Variants in ERGIC2 observed in about 807,000 individuals in gnomAD.
The protein encoded by ERGIC2 is ERGIC and golgi 2, also known as endoplasmic reticulum-Golgi intermediate compartment protein 2.
Under a neutral mutation model 52.5 loss-of-function variants are expected in ERGIC2, and 31 were observed. The observed-to-expected ratio is 0.59, with a 90% CI of 0.44 to 0.80. The LOEUF is 0.80. Among genes scored for constraint, ERGIC2 ranks in the 30% least tolerant of loss-of-function variants. The pLI, the probability that ERGIC2 is intolerant of heterozygous loss-of-function variation, is 0.00. For missense variants in ERGIC2, 395 were observed against 455.2 expected, an observed-to-expected ratio of 0.87 and a Z score of 1.20; for synonymous variants, 129 against 140.6, an observed-to-expected ratio of 0.92 and a Z score of 0.58.
chr12:29,376,936 C>T (rs902448688), intron 1 of ERGIC2, among the ~76,000 whole-genome samples: 4 of 152,022 alleles, frequency 2.6e-5, no homozygotes, highest in South Asian at 2.1e-4. Context: ...TTTGTCAAAA[C>T]AGCCTTTCCT....
intron 4 of ERGIC2, 72 bp from the exon 5 acceptor site, chr12:29,367,019 T>G: frequency 3.1e-6 from 2 of 652,344 alleles, no homozygotes; most frequent in Non-Finnish European, 4.5e-6. Context: ...ATAAACAAAT[T>G]AAGCCAACTA....
chr12:29,376,405 C>T (rs1940515372), intron 1 of ERGIC2, among the ~76,000 whole-genome samples: 1 of 152,092 alleles, frequency 6.6e-6, no homozygotes, highest in Non-Finnish European at 1.5e-5. Flanking sequence ...ATGCTTCTCC[C>T]CCACTCCATT....
chr12:29,365,251 T>A (rs1184233113), intron 5 of ERGIC2, among the ~76,000 whole-genome samples: 1 of 152,252 alleles, frequency 6.6e-6, no homozygotes, highest in South Asian at 2.1e-4. Flanking sequence ...GTGGTATACA[T>A]GCACCAGGGA....
At position 29,371,536 on chromosome 12, in the gene ERGIC2, C is replaced by T; in HGVS notation, c.98G>A (p.Gly33Glu). Residue 33 changes from glycine to glutamate, a missense_variant, in exon 2 of 14, where the codon GGA (glycine) becomes GAA (glutamate). By Grantham distance (98) the Gly-to-Glu change is moderately conservative (BLOSUM62 -2). Coordinates refer to ENST00000360150, the MANE Select transcript of ERGIC2 (RefSeq NM_016570.3). The part of the protein sequence containing the change: ...PESYVETSAS[G>E]GTVSLIAFTT... Reference sequence around the variant, plus strand: ...TGTTAACTGATACTCACCTGTACCTCCACTGGCTGAAGTCTCTACATAGCT... The same window carrying T: ...TGTTAACTGATACTCACCTGTACCTTCACTGGCTGAAGTCTCTACATAGCT... 6.2e-7 allele frequency: 1 copy of T among 1,605,614 alleles called. No homozygotes were observed. The highest frequency in any genetic ancestry group is 8.5e-7 in the Non-Finnish European group (1 of 1,175,422).
Position 29,341,184 on chromosome 12 carries a change from A to G in ERGIC2, c.1106T>C (p.Leu369Ser), listed in dbSNP as rs766083095. The G allele has an allele frequency of 1.2e-6, 2 of 1,610,308 alleles. No homozygotes were observed. Among genetic ancestry groups the G allele is most frequent in the Admixed American group, 3.3e-5 (2 of 59,798 alleles). The change falls in exon 14 of 14, where the codon TTA becomes TCA. Residue 369 changes from leucine to serine, a missense_variant. Transcript: ENST00000360150. ...ATGTGTATTATTTTCTAAAAGAGGT[A>G]AGTGGTTGTCTGTGTGGCCATCCTC... ...PFEDGHTDNH[L>S]PLLENNTH is the part of the protein sequence containing the mutation.
intron 11 of ERGIC2, 133 bp downstream of exon 11, chr12:29,345,309 AT>A: frequency 1.6e-6 from 1 of 630,716 alleles, no homozygotes; most frequent in Non-Finnish European, 2.8e-6. Context: ...ATGTTAATTC[AT>A]TTCAAAACTT....
intron 1 of ERGIC2, among the ~76,000 whole-genome samples, chr12:29,379,023 AG>A (rs1289982687): frequency 2.0e-5 from 3 of 152,196 alleles, no homozygotes; most frequent in Admixed American, 6.5e-5. Context: ...AGAGTATGTG[AG>A]GTTAGTTGAC....
chr12:29,342,402 G>A (rs1949846180), intron 12 of ERGIC2, among the ~76,000 whole-genome samples: 1 of 152,176 alleles, frequency 6.6e-6, no homozygotes. Flanking sequence ...AGATTGAAAT[G>A]AAGCACTAAC....
intron 1 of ERGIC2, among the ~76,000 whole-genome samples, chr12:29,377,991 G>A (rs976991204): frequency 3.3e-5 from 5 of 152,162 alleles, no homozygotes; most frequent in African/African-American, 1.2e-4. Flanking sequence ...GTTGCAGTCT[G>A]AACTGTGTCA....
At chr12:29,357,391 G>T (rs1265108781) in intron 7 of ERGIC2, among the ~76,000 whole-genome samples, 1 of 151,914 alleles carries the variant, frequency 6.6e-6, no homozygotes, top group Non-Finnish European at 1.5e-5. Context: ...TTTTATGTGG[G>T]GGTATACCAC....
intron 10 of ERGIC2, among the ~76,000 whole-genome samples, chr12:29,348,657 T>C (rs574419918): frequency 7.2e-4 from 110 of 151,962 alleles, no homozygotes; most frequent in Non-Finnish European, 1.2e-3. Context: ...TCCAGAGAGG[T>C]TTCTGAAATG....
chr12:29,343,462 T>C (rs1390827600), intron 11 of ERGIC2, among the ~76,000 whole-genome samples, 180 bp from the exon 12 acceptor site: 1 of 152,238 alleles, frequency 6.6e-6, no homozygotes, highest in Non-Finnish European at 1.5e-5. Context: ...AATTATTTTG[T>C]ATTCTTTGTG....
Position 29,343,278 on chromosome 12 carries a change from C to A in ERGIC2, c.830G>T (p.Arg277Leu). Reference protein sequence around the residue: ...THQFSVTERERIINHAAGSHG... With the variant: ...THQFSVTERELIINHAAGSHG... ...GCTGCCTGCAGCATGGTTAATGATACGTTCCTAAAAGGGAGGCAAAAGGAA... is the reference window on the plus strand; with the variant it reads ...GCTGCCTGCAGCATGGTTAATGATAAGTTCCTAAAAGGGAGGCAAAAGGAA... The change falls in exon 12 of 14, where the codon CGT (arginine) becomes CTT (leucine). Residue 277 changes from arginine to leucine, a missense_variant. By Grantham distance (102) the Arg-to-Leu change is moderately radical. Transcript: ENST00000360150. 1.3e-6 allele frequency: 2 copies of A among 1,576,658 alleles called. No individual in the cohort carries two copies. Among genetic ancestry groups the A allele is most frequent in the Admixed American group, 1.8e-5 (1 of 55,076 alleles).
intron 1 of ERGIC2, among the ~76,000 whole-genome samples, chr12:29,376,422 C>A (rs1940515671): frequency 6.6e-6 from 1 of 152,134 alleles, no homozygotes; most frequent in Admixed American, 6.6e-5. Flanking sequence ...CATTATCATC[C>A]TTTGGAATTC....
Position 29,341,148 on chromosome 12 carries a change from G to A in ERGIC2, c.*8C>T, listed in dbSNP as rs529996666. The A allele has an allele frequency of 1.1e-5, 17 of 1,599,894 alleles. No homozygotes were observed. The East Asian group carries it at 1.1e-4, about 11-fold the overall frequency. ...GGCAAAAAGTTTTTCTCCTTCAATC[G>A]GGAGGTGTTAATGTGTATTATTTTC... On this transcript the variant is annotated 3_prime_UTR_variant, in exon 14 of 14. Transcript: ENST00000360150.
intron 10 of ERGIC2, among the ~76,000 whole-genome samples, chr12:29,347,079 T>C (rs12817578): frequency 2.0e-5 from 3 of 152,100 alleles, no homozygotes; most frequent in African/African-American, 7.2e-5. Context: ...CAGATTTAAA[T>C]AGAAGCTTGC....
At position 29,374,937 on chromosome 12, in the gene ERGIC2, ACACTT is replaced by A. The variant is rs1940494590; in HGVS notation, c.-37-3272_-37-3268del. ...TCTTTGTAAAACTTCCCTTCCCACT[ACACTT>A]AAGAGCTTGGATTCTATCCTAACAT... On this transcript the variant is annotated intron_variant, in intron 1 of 13. Transcript: ENST00000360150. Among the ~76,000 whole-genome samples the A allele has an allele frequency of 2.6e-5, 4 of 152,186 alleles. No homozygotes were observed. In the South Asian group the frequency reaches 8.3e-4, roughly 32 times the overall value.
In ERGIC2 at chr12:29,370,114, C is replaced by A; in HGVS notation, c.215G>T (p.Ser72Ile). The A allele has an allele frequency of 6.7e-7, 1 of 1,498,182 alleles. No individual in the cohort carries two copies. The highest frequency in any genetic ancestry group is 8.8e-7 in the Non-Finnish European group (1 of 1,134,440). 92.8% of individuals were successfully genotyped at this position (1,498,182 alleles called of 1,614,324 possible). ...YEYEVDKDFS[S>I]KLRINIDITV... is the part of the protein sequence containing the mutation. ...TTCCAAGAAGAAAAAAAATGATTAC[C>A]TAGAAAAATCCTTGTCTACTTCGTA... Residue 72 changes from serine (S) to isoleucine (I), a missense_variant and splice_region_variant, in exon 3 of 14, where the codon AGC becomes ATC. Physicochemically the swap from Ser to Ile is moderately radical, Grantham distance 142. Transcript: ENST00000360150.
chr12:29,343,294 G>A lies in ERGIC2; in HGVS notation c.826-12C>T, dbSNP rs751412462. 6.4e-7 allele frequency: 1 copy of A among 1,563,048 alleles called. No individual in the cohort carries two copies. Among genetic ancestry groups the A allele is most frequent in the Non-Finnish European group, 8.7e-7 (1 of 1,150,640 alleles). The stretch of plus-strand genomic sequence containing the variant: ...TTAATGATACGTTCCTAAAAGGGAG[G>A]CAAAAGGAAGGGGAGAAATAGGAGG... On this transcript the variant is annotated splice_polypyrimidine_tract_variant and intron_variant, in intron 11 of 13. Coordinates refer to ENST00000360150, the MANE Select transcript of ERGIC2 (RefSeq NM_016570.3).
Sources: allele counts gnomAD v4.1 joint callset (sites outside exome capture counted in the v4.1 genomes callset), GRCh38; gene constraint gnomAD v4.1.1; transcripts MANE v1.5; gene names NCBI Gene and HGNC (gene_info 2026-07-23, HGNC 2026-07-21).